Variants in PDE4B observed in about 807,000 individuals in gnomAD.
The protein encoded by PDE4B is phosphodiesterase 4B.
In PDE4B, 20 loss-of-function variants were observed where a neutral mutation model predicts 82.2. The observed-to-expected ratio is 0.24, with a 90% CI of 0.17 to 0.35. The LOEUF is 0.35. Among genes scored for constraint, PDE4B ranks in the 10% least tolerant of loss-of-function variants. PDE4B has a pLI of 1.00. For synonymous variants in PDE4B, 320 were observed against 318.9 expected (o/e 1.00, Z -0.04); for missense variants, 655 against 907.2 (o/e 0.72, Z 3.57).
chr1:66,372,149 T>C (rs2050806214), intron 16 of PDE4B, among the ~76,000 whole-genome samples, 164 bp from the exon 17 acceptor site: 1 of 152,208 alleles, frequency 6.6e-6, no homozygotes, highest in African/African-American at 2.4e-5. Context: ...ATCGATTGCA[T>C]TCAGTGTAAG....
At chr1:65,901,668 T>C (rs1005230280) in intron 1 of PDE4B, among the ~76,000 whole-genome samples, 3 of 152,134 alleles carry the variant, frequency 2.0e-5, no homozygotes, top group Non-Finnish European at 4.4e-5. Flanking sequence ...AATTTCTTTC[T>C]GATTCAATCT....
chr1:65,914,312 A>G (rs1647131510), intron 2 of PDE4B, among the ~76,000 whole-genome samples: 1 of 152,154 alleles, frequency 6.6e-6, no homozygotes, highest in Non-Finnish European at 1.5e-5. Flanking sequence ...GTGTTCCTGT[A>G]GGACCCACAG....
intron 7 of PDE4B, chr1:66,330,786 G>A (rs1660047745): frequency 1.0e-6 from 1 of 985,252 alleles, no homozygotes; most frequent in African/African-American, 1.7e-5. Context: ...GTAAGTCAGA[G>A]AATCTTCGTG....
At chr1:66,117,938 G>T (rs1645629830) in intron 3 of PDE4B, among the ~76,000 whole-genome samples, 1 of 152,144 alleles carries the variant, frequency 6.6e-6, no homozygotes, top group Admixed American at 6.5e-5. Context: ...CAGTGTAAAA[G>T]TGTTCCTATT....
At chr1:65,934,209 G>C (rs1022746310) in intron 3 of PDE4B, among the ~76,000 whole-genome samples, 2 of 152,150 alleles carry the variant, frequency 1.3e-5, no homozygotes. Context: ...TAAGACATAG[G>C]AGGTCAAGGT....
intron 3 of PDE4B, among the ~76,000 whole-genome samples, chr1:66,091,771 T>C (rs1381016438): frequency 6.6e-6 from 1 of 152,070 alleles, no homozygotes; most frequent in Non-Finnish European, 1.5e-5. Flanking sequence ...GGGTTATTGG[T>C]GGAGGCCATT....
Position 65,913,366 on chromosome 1 carries a change from A to T in PDE4B, c.42+10A>T, listed in dbSNP as rs1647118953. The T allele has an allele frequency of 1.2e-6, 2 of 1,612,788 alleles. No homozygotes were observed. Among genetic ancestry groups the T allele is most frequent in the African/African-American group, 2.7e-5 (2 of 74,868 alleles). ...GGTGATGGCTGATGATGTAAGTTTC[A>T]AAAGGTCCCAATCATGTTTGGTCTG... On this transcript the variant is annotated intron_variant, in intron 2 of 16. Coordinates refer to ENST00000341517, the MANE Select transcript of PDE4B (RefSeq NM_002600.4).
chr1:65,827,566 G>A (rs974553852), intron 1 of PDE4B, among the ~76,000 whole-genome samples: 6 of 152,198 alleles, frequency 3.9e-5, no homozygotes, highest in South Asian at 2.1e-4. Context: ...TTTGGAGGTA[G>A]GTGAATGGAA....
chr1:65,967,855 A>C (rs1002415151), intron 3 of PDE4B, among the ~76,000 whole-genome samples: 3 of 151,982 alleles, frequency 2.0e-5, no homozygotes, highest in Non-Finnish European at 4.4e-5. Context: ...AACATCACAC[A>C]CCAGGGCCTT....
At chr1:65,974,294 T>C (rs1028718791) in intron 3 of PDE4B, among the ~76,000 whole-genome samples, 5 of 152,208 alleles carry the variant, frequency 3.3e-5, no homozygotes, top group African/African-American at 1.2e-4. Flanking sequence ...AAATAGACTA[T>C]TTGTAATTAT....
chr1:66,121,663 G>A (rs1465750522), intron 3 of PDE4B, among the ~76,000 whole-genome samples: 2 of 152,090 alleles, frequency 1.3e-5, no homozygotes, highest in Non-Finnish European at 2.9e-5. Context: ...CTTCATTCTT[G>A]TATGAGTAGC....
chr1:65,841,645 T>C (rs112341324), intron 1 of PDE4B, among the ~76,000 whole-genome samples: 1 of 152,200 alleles, frequency 6.6e-6, no homozygotes, highest in African/African-American at 2.4e-5. Context: ...TTTGAAAATA[T>C]GTTTTTTTAC....
chr1:66,186,927 T>A (rs2101444622), intron 3 of PDE4B, among the ~76,000 whole-genome samples: 1 of 152,360 alleles, frequency 6.6e-6, no homozygotes, highest in Non-Finnish European at 1.5e-5. Context: ...TCAAAGGGAA[T>A]CCTTCCAGTT....
At chr1:66,102,561 C>T (rs566605651) in intron 3 of PDE4B, among the ~76,000 whole-genome samples, 45 of 152,122 alleles carry the variant, frequency 3.0e-4, no homozygotes, top group African/African-American at 7.9e-4. Context: ...GAAAAATCCC[C>T]GGGGCTATTC....
At chr1:66,119,825 A>G (rs1392865299) in intron 3 of PDE4B, among the ~76,000 whole-genome samples, 1 of 152,154 alleles carries the variant, frequency 6.6e-6, no homozygotes, top group Non-Finnish European at 1.5e-5. Flanking sequence ...TATGACTGGT[A>G]TCTTTTAAAA....
At chr1:65,881,698 G>C (rs1344872373) in intron 1 of PDE4B, among the ~76,000 whole-genome samples, 1 of 151,928 alleles carries the variant, frequency 6.6e-6, no homozygotes, top group Admixed American at 6.6e-5. Context: ...GATCCTTTAT[G>C]GTCTTATACT....
At chr1:66,102,900 A>G (rs1375363065) in intron 3 of PDE4B, among the ~76,000 whole-genome samples, 3 of 152,076 alleles carry the variant, frequency 2.0e-5, no homozygotes, top group Admixed American at 6.6e-5. Flanking sequence ...TATTGTTACA[A>G]TAGTATTATT....
At chr1:66,264,102 C>G (rs1654871255) in intron 6 of PDE4B, among the ~76,000 whole-genome samples, 1 of 152,064 alleles carries the variant, frequency 6.6e-6, no homozygotes, top group South Asian at 2.1e-4. Context: ...TAGACAGAGC[C>G]TATTTAAGCT....
intron 7 of PDE4B, among the ~76,000 whole-genome samples, chr1:66,302,927 T>C (rs1658004484): frequency 1.3e-5 from 2 of 152,212 alleles, no homozygotes; most frequent in Admixed American, 6.5e-5. Context: ...CTTCAGTTTA[T>C]CACTTGGAAA....
Sources: gnomAD v4.1 joint callset for allele counts (sites outside exome capture counted in the v4.1 genomes callset) on GRCh38, gnomAD v4.1.1 for gene constraint, MANE v1.5 for transcripts, NCBI Gene and HGNC (gene_info 2026-07-23, HGNC 2026-07-21) for gene names.